The following CUBN variants were observed in gnomAD, a reference collection of about 807,000 sequenced individuals.
CUBN encodes 460 kDa receptor.
A neutral mutation model predicts 405.3 loss-of-function variants in CUBN; 282 were observed. That is an observed-to-expected ratio of 0.70 (90% CI 0.63 to 0.77). The LOEUF is 0.77. Ranked by LOEUF, CUBN falls within the 30% of genes least tolerant of loss-of-function variation. The probability of loss-of-function intolerance (pLI) is 0.00; values close to 1 mark genes in which losing one functional copy is unlikely to be tolerated. For missense variants in CUBN, 4,514 were observed against 4,475.2 expected, an observed-to-expected ratio of 1.01 and a Z score of -0.25; for synonymous variants, 1,684 against 1,617.0, an observed-to-expected ratio of 1.04 and a Z score of -0.99.
Position 17,067,989 on chromosome 10 carries a change from A to G in CUBN, c.3008+75T>C, listed in dbSNP as rs12251381. The G allele has an allele frequency of 0.013, 16,387 of 1,224,286 alleles. 1,499 individuals are homozygous for G. In the African/African-American group the frequency reaches 0.21, roughly 15 times the overall value. The allele number at this position is 1,224,286 out of a possible 1,614,324, so 75.8% of individuals were successfully genotyped here. A position where few individuals can be genotyped will look rare whatever the true frequency, so the allele number is the denominator to read the frequency against. Reference sequence around the variant, plus strand: ...CTGGTTTTCATAACACAACGTGGTCAATTTTAAGATCCTTCACTGAAGCAG... The same window carrying G: ...CTGGTTTTCATAACACAACGTGGTCGATTTTAAGATCCTTCACTGAAGCAG... On this transcript the variant is annotated intron_variant, in intron 21 of 66. Coordinates refer to ENST00000377833, the MANE Select transcript of CUBN (RefSeq NM_001081.4).
intron 27 of CUBN, among the ~76,000 whole-genome samples, chr10:17,026,747 A>C (rs1038708167): frequency 2.6e-5 from 4 of 152,206 alleles, no homozygotes; most frequent in African/African-American, 9.7e-5. Context: ...TGGATAAATG[A>C]GGCAAATGTA....
chr10:16,940,922 T>C (rs901666269), intron 36 of CUBN, among the ~76,000 whole-genome samples: 3 of 152,152 alleles, frequency 2.0e-5, no homozygotes, highest in Non-Finnish European at 2.9e-5. Flanking sequence ...AATTATGGGA[T>C]TTGTAACAAC....
chr10:16,859,364 C>T (rs555739852), intron 59 of CUBN, among the ~76,000 whole-genome samples: 8 of 152,220 alleles, frequency 5.3e-5, no homozygotes, highest in Non-Finnish European at 1.2e-4. Flanking sequence ...TGACGAAAAG[C>T]ACGTGAAAAT....
intron 41 of CUBN, among the ~76,000 whole-genome samples, chr10:16,926,478 G>A (rs1842191293): frequency 6.6e-6 from 1 of 152,102 alleles, no homozygotes; most frequent in Non-Finnish European, 1.5e-5. Flanking sequence ...AGGGGTGGAG[G>A]ACAGGGAAGG....
rs1833950873 is a variant in CUBN, at chr10:17,003,839, T to TC, written c.4169-13325dup. 7.9e-5 allele frequency among the ~76,000 whole-genome samples: 12 copies of TC among 152,288 alleles called. No homozygotes were observed. In the South Asian group the frequency reaches 2.5e-3, roughly 32 times the overall value. On this transcript the variant is annotated intron_variant, in intron 28 of 66. Transcript: ENST00000377833. ...TCTTAGTAACCAGGACCCAGAATGG[T>TC]CCCCTGGGGTTGCCTCTGTCACTGT...
At chr10:17,069,399 G>A (rs2131846394) in intron 19 of CUBN, among the ~76,000 whole-genome samples, 1 of 152,260 alleles carries the variant, frequency 6.6e-6, no homozygotes, top group Middle Eastern at 3.4e-3. Context: ...ACTTTTTGAG[G>A]AACTGCCAAC....
chr10:16,828,734 A>T (rs1838872432), intron 66 of CUBN, 71 bp downstream of exon 66: 6 of 1,251,658 alleles, frequency 4.8e-6, no homozygotes, highest in Non-Finnish European at 7.0e-6. Context: ...AAAAAAAAAA[A>T]AGTCTACACT....
At chr10:17,088,482 A>G in intron 14 of CUBN, 137 bp from the exon 15 acceptor site, 1 of 678,102 alleles carries the variant, frequency 1.5e-6, no homozygotes, top group Non-Finnish European at 2.6e-6. Flanking sequence ...ATAAATTAAA[A>G]AAGATTTACA....
intron 10 of CUBN, among the ~76,000 whole-genome samples, 181 bp from the exon 11 acceptor site, chr10:17,105,756 A>T (rs1836615037): frequency 6.6e-6 from 1 of 152,186 alleles, no homozygotes. Flanking sequence ...TGTATTTCTT[A>T]TCTTAAAATA....
rs754704005 is a variant in CUBN, at chr10:16,835,090, T to TG, written c.10285dup (p.Gln3429ProfsTer19). On this transcript the variant is annotated frameshift_variant, in exon 64 of 67. Coordinates refer to ENST00000377833, the MANE Select transcript of CUBN (RefSeq NM_001081.4). LOFTEE classifies it high-confidence loss of function. Reference sequence around the variant, plus strand: ...AAAAAAGAGGGAAATGGTGTGGTTCTGGGGGGCTGTGAGAGTAACGGTGCA... The same window carrying TG: ...AAAAAAGAGGGAAATGGTGTGGTTCTGGGGGGGCTGTGAGAGTAACGGTGCA... 1 of 1,614,172 alleles carries TG rather than the reference T, an allele frequency of 6.2e-7. No individual in the cohort carries two copies. Among genetic ancestry groups the TG allele is most frequent in the East Asian group, 2.2e-5 (1 of 44,892 alleles).
rs116435715 is a variant in CUBN, at chr10:17,001,911, T to C, written c.4169-11396A>G. ...AAATCAGGGACAGAGTATATTATTG[T>C]CATTACTGATCTACAGATTATCAAA... is the stretch of plus-strand genomic sequence containing the variant. On this transcript the variant is annotated intron_variant, in intron 28 of 66. Transcript: ENST00000377833. Among the ~76,000 whole-genome samples, 833 of 152,316 alleles carry C rather than the reference T, an allele frequency of 5.5e-3. 11 individuals are homozygous for C. Among genetic ancestry groups the C allele is most frequent in the African/African-American group, 0.02 (814 of 41,570 alleles).
chr10:16,992,375 G>A (rs1833616561), intron 28 of CUBN, among the ~76,000 whole-genome samples: 1 of 152,084 alleles, frequency 6.6e-6, no homozygotes, highest in Non-Finnish European at 1.5e-5. Flanking sequence ...ATGTACCCTA[G>A]AACTTAAAGT....
At chr10:16,936,028 T>C (rs1842493958) in intron 39 of CUBN, among the ~76,000 whole-genome samples, 2 of 152,096 alleles carry the variant, frequency 1.3e-5, no homozygotes, top group South Asian at 2.1e-4. Context: ...ACTTATGCCA[T>C]CTAGATAATT....
intron 54 of CUBN, 104 bp from the exon 55 acceptor site, chr10:16,890,631 G>T: frequency 9.1e-7 from 1 of 1,102,410 alleles, no homozygotes; most frequent in Non-Finnish European, 1.4e-6. Flanking sequence ...ACAGAACTAA[G>T]CATAAGAGTA....
chr10:16,948,373 C>T, intron 35 of CUBN, 105 bp downstream of exon 35: 1 of 1,509,634 alleles, frequency 6.6e-7, no homozygotes, highest in Non-Finnish European at 9.1e-7. Flanking sequence ...GAGGTGATCT[C>T]AGGAAACTGG....
At chr10:17,108,805 C>T (rs898324463) in intron 10 of CUBN, among the ~76,000 whole-genome samples, 10 of 152,000 alleles carry the variant, frequency 6.6e-5, no homozygotes, top group South Asian at 2.1e-4. Context: ...AAACAACATG[C>T]CAGGAAAAAC....
At chr10:16,936,157 A>T (rs1231621660) in intron 39 of CUBN, among the ~76,000 whole-genome samples, 1 of 152,142 alleles carries the variant, frequency 6.6e-6, no homozygotes, top group Non-Finnish European at 1.5e-5. Flanking sequence ...ATAATTATGA[A>T]ATTTCGTAAT....
rs906188411 is a variant in CUBN at position 17,065,135 on chromosome 10, C to A, written c.3139+373G>T. On this transcript the variant is annotated intron_variant, in intron 22 of 66. Transcript: ENST00000377833. ...TATCATTTCTCTCTCTCTCTCCCCC[C>A]CCCCCCACACACACATGCACAGACA... Among the ~76,000 whole-genome samples, 10 of 140,450 alleles carry A rather than the reference C, an allele frequency of 7.1e-5. 1 individual carries two copies. The highest frequency in any genetic ancestry group is 8.7e-5 in the African/African-American group (3 of 34,410). The allele number at this position is 140,450 out of a possible 152,430, so 92.1% of individuals were successfully genotyped here. A position where few individuals can be genotyped will look rare whatever the true frequency, so the allele number is the denominator to read the frequency against.
intron 28 of CUBN, among the ~76,000 whole-genome samples, chr10:16,990,937 C>T (rs1179131273): frequency 6.6e-6 from 1 of 152,280 alleles, no homozygotes; most frequent in East Asian, 1.9e-4. Flanking sequence ...GTAGCTAATA[C>T]ATTATTCTGC....
Sources: allele counts gnomAD v4.1 joint callset (sites outside exome capture counted in the v4.1 genomes callset), GRCh38; gene constraint gnomAD v4.1.1; transcripts MANE v1.5; gene names NCBI Gene and HGNC (gene_info 2026-07-23, HGNC 2026-07-21).